Variants in KCNU1 observed in about 807,000 individuals in gnomAD.
KCNU1 encodes the protein potassium calcium-activated channel subfamily U member 1.
In KCNU1, 93 loss-of-function variants were observed where a neutral mutation model predicts 126.8. That is an observed-to-expected ratio of 0.73 (90% CI 0.62 to 0.87). KCNU1 has a LOEUF of 0.87. Ranked by LOEUF, KCNU1 falls within the 40% of genes least tolerant of loss-of-function variation. The pLI is 0.00. For missense variants in KCNU1, 1,330 were observed against 1,367.1 expected, an observed-to-expected ratio of 0.97 and a Z score of 0.43; for synonymous variants, 523 against 494.2, an observed-to-expected ratio of 1.06 and a Z score of -0.77.
At chr8:36,863,582 A>T (rs1805802071) in intron 18 of KCNU1, among the ~76,000 whole-genome samples, 1 of 152,214 alleles carries the variant, frequency 6.6e-6, no homozygotes. Flanking sequence ...TTTTTTAAAA[A>T]TCACAACAGC....
intron 1 of KCNU1, among the ~76,000 whole-genome samples, chr8:36,785,695 C>T (rs1255939951): frequency 6.6e-6 from 1 of 152,138 alleles, no homozygotes; most frequent in Non-Finnish European, 1.5e-5. Flanking sequence ...TATGATGGAT[C>T]TGCCTCCTTG....
intron 1 of KCNU1, among the ~76,000 whole-genome samples, chr8:36,785,901 G>A (rs985117213): frequency 2.0e-5 from 3 of 151,974 alleles, no homozygotes; most frequent in African/African-American, 7.3e-5. Context: ...TCTACACTTC[G>A]ATCCAGGTAT....
chr8:36,916,852 A>G (rs907833696), intron 22 of KCNU1, among the ~76,000 whole-genome samples: 2 of 152,234 alleles, frequency 1.3e-5, no homozygotes, highest in African/African-American at 4.8e-5. Context: ...TTCATTACTC[A>G]GAAATTTAGT....
chr8:36,880,095 A>T (rs1302060506), intron 19 of KCNU1, among the ~76,000 whole-genome samples: 1 of 152,210 alleles, frequency 6.6e-6, no homozygotes, highest in Non-Finnish European at 1.5e-5. Context: ...AAAGATTTGC[A>T]TTTTGGCTGT....
chr8:36,931,767 G>A (rs1037760207), intron 25 of KCNU1, among the ~76,000 whole-genome samples: 7 of 152,174 alleles, frequency 4.6e-5, no homozygotes, highest in East Asian at 1.9e-4. Flanking sequence ...ACTTCTGTAC[G>A]TGGGTCTAAG....
At chr8:36,932,374 A>G (rs1808727825) in intron 25 of KCNU1, among the ~76,000 whole-genome samples, 1 of 152,026 alleles carries the variant, frequency 6.6e-6, no homozygotes, top group Non-Finnish European at 1.5e-5. Flanking sequence ...CTTTATCCTG[A>G]GGAATTACAG....
At chr8:36,916,758 C>T (rs930524854) in intron 22 of KCNU1, among the ~76,000 whole-genome samples, 5 of 152,086 alleles carry the variant, frequency 3.3e-5, no homozygotes, top group Non-Finnish European at 4.4e-5. Context: ...AAAAATTTTG[C>T]GAAATTCTGG....
chr8:36,833,493 C>G lies in KCNU1; in HGVS notation c.1107-61C>G, dbSNP rs558550086. 76 of 965,334 alleles carry G rather than the reference C, an allele frequency of 7.9e-5. 1 individual carries two copies. In the African/African-American group the frequency reaches 1.0e-3, roughly 13 times the overall value. The allele number at this position is 965,334 out of a possible 1,614,324, so 59.8% of individuals were successfully genotyped here. Reference sequence around the variant, plus strand: ...AATGCACCAAATTAGTTATAAAAACCTCTAAACCCAGAGTCAATCATCTTT... The same window carrying G: ...AATGCACCAAATTAGTTATAAAAACGTCTAAACCCAGAGTCAATCATCTTT... On this transcript the variant is annotated intron_variant, in intron 10 of 26. Coordinates refer to ENST00000399881, the MANE Select transcript of KCNU1 (RefSeq NM_001031836.3).
At chr8:36,923,305 G>A (rs1029351154) in intron 24 of KCNU1, among the ~76,000 whole-genome samples, 1 of 152,174 alleles carries the variant, frequency 6.6e-6, no homozygotes, top group Non-Finnish European at 1.5e-5. Flanking sequence ...CATGGGGCCT[G>A]CTGAGTGGAG....
chr8:36,907,530 T>C (rs369962358), intron 20 of KCNU1, among the ~76,000 whole-genome samples: 7 of 152,330 alleles, frequency 4.6e-5, no homozygotes, highest in African/African-American at 1.4e-4. Context: ...TTGGTTAAGA[T>C]TCATATCACT....
intron 19 of KCNU1, among the ~76,000 whole-genome samples, chr8:36,887,415 A>G (rs549171927): frequency 9.6e-6 from 1 of 104,486 alleles, no homozygotes; most frequent in South Asian, 2.9e-4. Flanking sequence ...AACGTTGAGC[A>G]TTTTTTCACA....
intron 10 of KCNU1, among the ~76,000 whole-genome samples, chr8:36,830,538 T>C (rs1180845934): frequency 6.6e-6 from 1 of 152,070 alleles, no homozygotes; most frequent in African/African-American, 2.4e-5. Flanking sequence ...TTTTTAGTAT[T>C]GGTTAGGAAG....
intron 24 of KCNU1, among the ~76,000 whole-genome samples, chr8:36,929,828 G>A (rs1317054330): frequency 1.3e-5 from 2 of 152,086 alleles, no homozygotes; most frequent in Non-Finnish European, 2.9e-5. Flanking sequence ...GATACTAAAA[G>A]GTTGAGGAGG....
intron 19 of KCNU1, among the ~76,000 whole-genome samples, chr8:36,897,165 T>C (rs1450661139): frequency 6.6e-6 from 1 of 151,972 alleles, no homozygotes; most frequent in Non-Finnish European, 1.5e-5. Context: ...AGAATTTTAT[T>C]GCCAAAAGCT....
At chr8:36,880,764 T>C (rs935293869) in intron 19 of KCNU1, among the ~76,000 whole-genome samples, 1 of 152,198 alleles carries the variant, frequency 6.6e-6, no homozygotes, top group African/African-American at 2.4e-5. Context: ...CCTGAGTGCC[T>C]CTTGCTGAGG....
intron 25 of KCNU1, 99 bp from the exon 26 acceptor site, chr8:36,932,821 G>A (rs2275960): frequency 0.18 from 125,818 of 686,322 alleles, 12,992 homozygotes; most frequent in Middle Eastern, 0.33. Flanking sequence ...GGCTTTCCAA[G>A]CTTCTACTAC....
intron 2 of KCNU1, among the ~76,000 whole-genome samples, chr8:36,801,685 T>C (rs933537168): frequency 2.6e-5 from 4 of 152,090 alleles, no homozygotes; most frequent in Non-Finnish European, 4.4e-5. Flanking sequence ...TGTGTATATA[T>C]ACACACACAT....
At chr8:36,900,276 C>G (rs1807362139) in intron 19 of KCNU1, among the ~76,000 whole-genome samples, 1 of 152,090 alleles carries the variant, frequency 6.6e-6, no homozygotes, top group African/African-American at 2.4e-5. Context: ...TTTCTTGGCG[C>G]TCACAGGATC....
At chr8:36,876,290 T>C (rs1408261492) in intron 19 of KCNU1, among the ~76,000 whole-genome samples, 1 of 152,194 alleles carries the variant, frequency 6.6e-6, no homozygotes, top group African/African-American at 2.4e-5. Context: ...TCTTTACAGC[T>C]AATTGGGAAA....
Sources: gnomAD v4.1 joint callset for allele counts (sites outside exome capture counted in the v4.1 genomes callset) on GRCh38, gnomAD v4.1.1 for gene constraint, MANE v1.5 for transcripts, NCBI Gene and HGNC (gene_info 2026-07-23, HGNC 2026-07-21) for gene names.